The following RPS6KA2 variants were observed in gnomAD, a reference collection of about 807,000 sequenced individuals.
RPS6KA2 encodes ribosomal protein S6 kinase A2.
A neutral mutation model predicts 91.8 loss-of-function variants in RPS6KA2; 42 were observed. That is an observed-to-expected ratio of 0.46 (90% CI 0.36 to 0.59). The LOEUF is 0.59. Among genes scored for constraint, RPS6KA2 ranks in the 20% least tolerant of loss-of-function variants. The probability of loss-of-function intolerance (pLI) is 0.00; values close to 1 mark genes in which losing one functional copy is unlikely to be tolerated. For missense variants in RPS6KA2, 798 were observed against 978.5 expected, an observed-to-expected ratio of 0.82 and a Z score of 2.46; for synonymous variants, 414 against 393.6, an observed-to-expected ratio of 1.05 and a Z score of -0.61.
intron 2 of RPS6KA2, among the ~76,000 whole-genome samples, chr6:166,740,625 T>TCACA (rs1265590627): frequency 6.6e-6 from 1 of 152,228 alleles, no homozygotes; most frequent in Non-Finnish European, 1.5e-5. Flanking sequence ...ACAAAAGAAC[T>TCACA]CACACATAGA....
intron 2 of RPS6KA2, among the ~76,000 whole-genome samples, chr6:166,816,317 G>A (rs567288849): frequency 8.2e-4 from 123 of 150,472 alleles, no homozygotes; most frequent in African/African-American, 2.8e-3. Flanking sequence ...AGGCCAAGGA[G>A]GGTGGATCAC....
chr6:166,695,831 G>A (rs4991783), intron 2 of RPS6KA2, among the ~76,000 whole-genome samples: 1 of 151,156 alleles, frequency 6.6e-6, no homozygotes, highest in East Asian at 1.9e-4. Flanking sequence ...TCTCACAGGA[G>A]CACTGGATTC....
At chr6:166,778,460 C>T (rs1160982858) in intron 2 of RPS6KA2, among the ~76,000 whole-genome samples, 1 of 152,216 alleles carries the variant, frequency 6.6e-6, no homozygotes, top group Admixed American at 6.5e-5. Flanking sequence ...GAACGCCATA[C>T]ATTGTTTTAC....
Position 166,517,284 on chromosome 6 carries a change from G to A in RPS6KA2, c.299-6927C>T, listed in dbSNP as rs960890851. On this transcript the variant is annotated intron_variant, in intron 3 of 20. Coordinates refer to ENST00000265678, the MANE Select transcript of RPS6KA2 (RefSeq NM_021135.6). ...CTGAGGTGGGTGGATCACTTGAGCCGAAGAGTTGGAGACAAGCCTAAGTGT... is the reference window on the plus strand; with the variant it reads ...CTGAGGTGGGTGGATCACTTGAGCCAAAGAGTTGGAGACAAGCCTAAGTGT... Among the ~76,000 whole-genome samples, 17 of 152,070 alleles carry A rather than the reference G, an allele frequency of 1.1e-4. 1 individual carries two copies. The East Asian group carries it at 1.7e-3, about 16-fold the overall frequency.
In RPS6KA2 at chr6:166,547,237, C is replaced by T. The variant is rs539252873; in HGVS notation, c.100-8453G>A. Among the ~76,000 whole-genome samples, 69 of 152,286 alleles carry T rather than the reference C, an allele frequency of 4.5e-4. 1 individual carries two copies. The South Asian group carries it at 7.7e-3, about 17-fold the overall frequency. On this transcript the variant is annotated intron_variant, in intron 1 of 20. Transcript: ENST00000265678. ...GCTGAAATGGGAGTGTGCACGGGGC[C>T]AACTCACTCTACAATGCTGCAACAC...
At position 166,494,898 on chromosome 6, in the gene RPS6KA2, C is replaced by T. The variant is rs964423136; in HGVS notation, c.747+3610G>A. Among the ~76,000 whole-genome samples, 2 of 152,214 alleles carry T rather than the reference C, an allele frequency of 1.3e-5. No individual in the cohort carries two copies. Among genetic ancestry groups the T allele is most frequent in the East Asian group, 1.9e-4 (1 of 5,194 alleles). On this transcript the variant is annotated intron_variant, in intron 8 of 20. Coordinates refer to ENST00000265678, the MANE Select transcript of RPS6KA2 (RefSeq NM_021135.6). This position sits in a 1 kb window ranked among gnomAD's most constrained non-coding sequence, Gnocchi z 5.1. The stretch of plus-strand genomic sequence containing the variant: ...AAAACAAGGCCCCTCACACGCACAA[C>T]GGCTCTGCACCGATCCGCTTACAAG...
chr6:166,498,900 G>T (rs970916792), intron 7 of RPS6KA2, among the ~76,000 whole-genome samples: 1 of 152,214 alleles, frequency 6.6e-6, no homozygotes, highest in Non-Finnish European at 1.5e-5. Context: ...ACTCAGGAGC[G>T]CCTTGGAACA....
At chr6:166,506,134 G>A (rs939288910) in intron 5 of RPS6KA2, among the ~76,000 whole-genome samples, 5 of 152,038 alleles carry the variant, frequency 3.3e-5, no homozygotes, top group African/African-American at 7.2e-5. Context: ...CAGGTTCGCC[G>A]GCACAGCGAC....
At chr6:166,808,339 C>T (rs1378180920) in intron 2 of RPS6KA2, among the ~76,000 whole-genome samples, 3 of 152,230 alleles carry the variant, frequency 2.0e-5, no homozygotes, top group Admixed American at 2.0e-4. Context: ...TCTCTTTACT[C>T]CCTCTCCAAG....
chr6:166,538,647 G>C (rs1206098486), intron 2 of RPS6KA2, 21 bp downstream of exon 2: 2 of 1,359,364 alleles, frequency 1.5e-6, no homozygotes. Flanking sequence ...AGACTCAAGA[G>C]ACAGCCAGGG....
chr6:166,682,696 A>G (rs772787415), intron 2 of RPS6KA2, among the ~76,000 whole-genome samples: 3 of 152,258 alleles, frequency 2.0e-5, no homozygotes, highest in East Asian at 1.9e-4. Context: ...GGATTGCTTC[A>G]TAGCCGGGAC....
chr6:166,798,785 C>A (rs1335621443), intron 2 of RPS6KA2, among the ~76,000 whole-genome samples: 5 of 152,242 alleles, frequency 3.3e-5, no homozygotes, highest in Non-Finnish European at 7.3e-5. Context: ...TCTCCACAGA[C>A]AGGTGCATCT....
intron 2 of RPS6KA2, among the ~76,000 whole-genome samples, chr6:166,725,314 A>G (rs1790301771): frequency 6.6e-6 from 1 of 152,156 alleles, no homozygotes; most frequent in African/African-American, 2.4e-5. Flanking sequence ...TTAAATCCTC[A>G]CAGATTATGT....
chr6:166,654,363 G>A (rs946382379), intron 2 of RPS6KA2, among the ~76,000 whole-genome samples: 1 of 151,908 alleles, frequency 6.6e-6, no homozygotes, highest in Non-Finnish European at 1.5e-5. Context: ...GCTGCATCGA[G>A]CATGAAAGGG....
At chr6:166,717,698 G>A (rs1290215425) in intron 2 of RPS6KA2, among the ~76,000 whole-genome samples, 3 of 152,180 alleles carry the variant, frequency 2.0e-5, no homozygotes, top group African/African-American at 4.8e-5. Flanking sequence ...GATCCAGAGT[G>A]CACCAGAAAC....
rs1050100002 is a variant in RPS6KA2 at position 166,666,350 on chromosome 6, G to C, written c.124-127566C>G. ...GCGCATCAATAATAATGTTCCACTAGCTAGTCAGGTACTCAGATCCTGACA... is the reference window on the plus strand; with the variant it reads ...GCGCATCAATAATAATGTTCCACTACCTAGTCAGGTACTCAGATCCTGACA... On this transcript the variant is annotated intron_variant, in intron 2 of 21. Coordinates refer to the RPS6KA2 transcript ENST00000503859. The surrounding 1 kb of genome is among the most constrained non-coding windows in gnomAD (Gnocchi z 4.0). 4.6e-5 allele frequency among the ~76,000 whole-genome samples: 7 copies of C among 152,212 alleles called. No homozygotes were observed. Among genetic ancestry groups the C allele is most frequent in the Non-Finnish European group, 7.3e-5 (5 of 68,040 alleles).
chr6:166,721,107 A>G (rs1000914176), intron 2 of RPS6KA2, among the ~76,000 whole-genome samples: 1 of 152,214 alleles, frequency 6.6e-6, no homozygotes, highest in Non-Finnish European at 1.5e-5. Flanking sequence ...TAATTTCTTA[A>G]CAATTTCACG....
At chr6:166,498,181 A>G (rs771442654) in intron 8 of RPS6KA2, among the ~76,000 whole-genome samples, 1 of 152,258 alleles carries the variant, frequency 6.6e-6, no homozygotes, top group Admixed American at 6.5e-5. Context: ...CTGTGTCTAA[A>G]TAAGAAAAAT....
chr6:166,461,626 C>T (rs1347724497), intron 11 of RPS6KA2, among the ~76,000 whole-genome samples: 1 of 151,840 alleles, frequency 6.6e-6, no homozygotes, highest in Non-Finnish European at 1.5e-5. Flanking sequence ...AGAGAGCACG[C>T]ACTAGCTCGA....
Sources: gnomAD v4.1 joint callset for allele counts (sites outside exome capture counted in the v4.1 genomes callset) on GRCh38, gnomAD v4.1.1 for gene constraint, Gnocchi (gnomAD v3.1) non-coding constraint, MANE v1.5 for transcripts, NCBI Gene and HGNC (gene_info 2026-07-23, HGNC 2026-07-21) for gene names.